The following PHF21B variants were observed in gnomAD, a reference collection of about 807,000 sequenced individuals.
PHF21B encodes PHD finger protein 4.
In PHF21B, 22 loss-of-function variants were observed where a neutral mutation model predicts 62.2. The ratio of observed to expected loss-of-function variants is 0.35; its 90% CI spans 0.25 to 0.51. The LOEUF (loss-of-function observed/expected upper bound fraction) is 0.51. Ranked by LOEUF, PHF21B falls within the 20% of genes least tolerant of loss-of-function variation. The pLI is 0.97. For missense variants in PHF21B, 701 were observed against 707.9 expected (o/e 0.99, Z 0.11); for synonymous variants, 341 against 314.7 (o/e 1.08, Z -0.88).
At chr22:44,948,187 TTC>T (rs1213125828) in intron 2 of PHF21B, among the ~76,000 whole-genome samples, 5 of 152,220 alleles carry the variant, frequency 3.3e-5, no homozygotes, top group Admixed American at 1.3e-4. Flanking sequence ...TGTAGTTTAT[TTC>T]TGTTATTATT....
At chr22:44,963,564 C>T (rs1164861536) in intron 2 of PHF21B, among the ~76,000 whole-genome samples, 5 of 152,172 alleles carry the variant, frequency 3.3e-5, no homozygotes, top group South Asian at 2.1e-4. Flanking sequence ...GGCTGAAGGA[C>T]GAAAGAAGAG....
chr22:44,973,203 G>C (rs2072672272), intron 2 of PHF21B, among the ~76,000 whole-genome samples: 1 of 152,076 alleles, frequency 6.6e-6, no homozygotes, highest in Admixed American at 6.6e-5. Context: ...AGAAAACGGG[G>C]TCTGCTGGTC....
chr22:44,944,902 G>T (rs2072033846), intron 2 of PHF21B, among the ~76,000 whole-genome samples: 1 of 152,246 alleles, frequency 6.6e-6, no homozygotes, highest in South Asian at 2.1e-4. Context: ...CAAGAGCTGG[G>T]CCTCGACGGT....
chr22:44,956,454 A>T (rs2072299240), intron 2 of PHF21B, among the ~76,000 whole-genome samples: 1 of 152,340 alleles, frequency 6.6e-6, no homozygotes, highest in African/African-American at 2.4e-5. Flanking sequence ...CCCCAGCAAG[A>T]TGGCTCCAAA....
chr22:44,935,033 T>C (rs1248841825), intron 2 of PHF21B, among the ~76,000 whole-genome samples: 2 of 152,178 alleles, frequency 1.3e-5, no homozygotes, highest in Non-Finnish European at 2.9e-5. Context: ...TTGATATCTC[T>C]GTGGCTGGTT....
chr22:44,905,985 G>A (rs1011382200), intron 5 of PHF21B, among the ~76,000 whole-genome samples: 41 of 152,160 alleles, frequency 2.7e-4, no homozygotes, highest in Admixed American at 6.5e-4. Context: ...ACTTCCCTAG[G>A]TCTGGCTGTG....
chr22:44,896,073 A>T lies in PHF21B; in HGVS notation c.842T>A (p.Phe281Tyr), dbSNP rs768812464. 1 of 1,614,152 alleles carries T rather than the reference A, an allele frequency of 6.2e-7. No homozygotes were observed. The highest frequency in any genetic ancestry group is 1.1e-5 in the South Asian group (1 of 91,080). The change falls in exon 6 of 13, where the codon TTC becomes TAC. Residue 281 changes from phenylalanine (F) to tyrosine (Y), a missense_variant. Transcript: ENST00000313237. ...PTQENPEKIA[F>Y]MVALGLVTTE... ...GGTAACCAGGCCTAGCGCTACCATG[A>T]AGGCGATTTTCTGAGGGAAGGAACA...
intron 2 of PHF21B, among the ~76,000 whole-genome samples, chr22:44,975,719 T>C (rs1213357529): frequency 6.6e-6 from 1 of 152,222 alleles, no homozygotes; most frequent in Non-Finnish European, 1.5e-5. Context: ...GTAAAGAGGC[T>C]GCCCTGAGTG....
chr22:44,986,952 T>G (rs1451877160), intron 2 of PHF21B, among the ~76,000 whole-genome samples: 1 of 151,778 alleles, frequency 6.6e-6, no homozygotes, highest in Non-Finnish European at 1.5e-5. Flanking sequence ...CAGATGCAGG[T>G]GGGGATCCAG....
In PHF21B at chr22:45,009,988, C is replaced by CGATGCTAATTCGGCAG. The variant is rs1469571938; in HGVS notation, c.-455_-440dup. ...GCCTCGGCAAAGTTGTGCCTCGGCA[C>CGATGCTAATTCGGCAG]GATGCTAATTCGGCAGTGCCCGGAT... On this transcript the variant is annotated 5_prime_UTR_variant, in exon 1 of 13. Transcript: ENST00000313237. This position sits in a 1 kb window ranked among gnomAD's most constrained non-coding sequence, Gnocchi z 5.9. 1.4e-5 allele frequency: 2 copies of CGATGCTAATTCGGCAG among 146,234 alleles called. No homozygotes were observed. Among genetic ancestry groups the CGATGCTAATTCGGCAG allele is most frequent in the African/African-American group, 4.9e-5 (2 of 40,708 alleles). The allele number at this position is 146,234 out of a possible 1,614,324, so 9.1% of individuals were successfully genotyped here.
At chr22:44,992,642 T>TC (rs2073059666) in intron 2 of PHF21B, among the ~76,000 whole-genome samples, 1 of 152,212 alleles carries the variant, frequency 6.6e-6, no homozygotes, top group Admixed American at 6.5e-5. Context: ...TGAGGCCGGC[T>TC]CTGGCTTTTG....
intron 2 of PHF21B, among the ~76,000 whole-genome samples, chr22:45,004,026 C>T (rs737756): frequency 0.071 from 10,757 of 151,966 alleles, 454 homozygotes; most frequent in Middle Eastern, 0.14. Flanking sequence ...ATACGAAAGC[C>T]CAGAACAGGC....
chr22:44,920,910 T>A (rs9614982), intron 2 of PHF21B, among the ~76,000 whole-genome samples: 51,154 of 152,148 alleles, frequency 0.34, 9,867 homozygotes, highest in Non-Finnish European at 0.43. Context: ...AATCCTCTAC[T>A]CTTGGAAATT....
chr22:44,968,279 C>T (rs1250000034), intron 2 of PHF21B, among the ~76,000 whole-genome samples: 1 of 152,168 alleles, frequency 6.6e-6, no homozygotes, highest in African/African-American at 2.4e-5. Context: ...TTTGCATCAG[C>T]AGGGACTAAG....
intron 2 of PHF21B, among the ~76,000 whole-genome samples, chr22:44,975,782 C>G (rs2072727151): frequency 6.6e-6 from 1 of 152,242 alleles, no homozygotes; most frequent in African/African-American, 2.4e-5. Flanking sequence ...GTCCTCCCAC[C>G]CAGGGCTCCA....
intron 2 of PHF21B, among the ~76,000 whole-genome samples, chr22:44,936,409 G>A (rs911103200): frequency 1.3e-5 from 2 of 152,208 alleles, no homozygotes; most frequent in East Asian, 3.9e-4. Context: ...ATCTCTCCCT[G>A]TATACCGGCA....
intron 2 of PHF21B, among the ~76,000 whole-genome samples, chr22:44,937,280 C>A (rs5766212): frequency 6.6e-6 from 1 of 152,114 alleles, no homozygotes; most frequent in Non-Finnish European, 1.5e-5. Flanking sequence ...GCAGTGACTA[C>A]GAGAAAGCCT....
intron 2 of PHF21B, among the ~76,000 whole-genome samples, chr22:44,965,071 T>G (rs976597624): frequency 1.3e-5 from 2 of 152,154 alleles, no homozygotes; most frequent in African/African-American, 4.8e-5. Flanking sequence ...ACAGGGTGCC[T>G]GCAATGTGGC....
chr22:44,933,400 T>C, intron 2 of PHF21B: 1 of 949,148 alleles, frequency 1.1e-6, no homozygotes, highest in Non-Finnish European at 1.3e-6. Flanking sequence ...CGTGAGCCAC[T>C]GCGCTCGGCC....
Sources: gnomAD v4.1 joint callset for allele counts (sites outside exome capture counted in the v4.1 genomes callset) on GRCh38, gnomAD v4.1.1 for gene constraint, Gnocchi (gnomAD v3.1) non-coding constraint, MANE v1.5 for transcripts, NCBI Gene and HGNC (gene_info 2026-07-23, HGNC 2026-07-21) for gene names.